Variants in ANXA4 observed in about 807,000 individuals in gnomAD.
The protein encoded by ANXA4 is 35-beta calcimedin.
Under a neutral mutation model 49.8 loss-of-function variants are expected in ANXA4, and 39 were observed. The ratio of observed to expected loss-of-function variants is 0.78; its 90% CI spans 0.61 to 1.02. The LOEUF is 1.02. Ranked by LOEUF, ANXA4 falls within the 50% of genes least tolerant of loss-of-function variation. The probability of loss-of-function intolerance (pLI) is 0.00; values close to 1 mark genes in which losing one functional copy is unlikely to be tolerated. For missense variants in ANXA4, 360 were observed against 410.1 expected, an observed-to-expected ratio of 0.88 and a Z score of 1.05; for synonymous variants, 134 against 152.5, an observed-to-expected ratio of 0.88 and a Z score of 0.89.
chr2:69,673,564 G>T (rs1464915980), intron 2 of ANXA4, among the ~76,000 whole-genome samples: 2 of 151,836 alleles, frequency 1.3e-5, no homozygotes, highest in African/African-American at 4.8e-5. Flanking sequence ...TAGATGACGG[G>T]TTGATGGGCA....
chr2:69,793,442 G>A (rs901634724), intron 3 of ANXA4, among the ~76,000 whole-genome samples: 1 of 152,004 alleles, frequency 6.6e-6, no homozygotes, highest in South Asian at 2.1e-4. Context: ...CCTTAAAAAT[G>A]TTTGATTTAA....
At chr2:69,690,519 A>C (rs909072507) in intron 2 of ANXA4, among the ~76,000 whole-genome samples, 10 of 152,132 alleles carry the variant, frequency 6.6e-5, no homozygotes, top group African/African-American at 2.2e-4. Flanking sequence ...GATTACAGGC[A>C]TGAGCCACTG....
chr2:69,774,326 AGCCCCCC>A (rs1559174599), intron 1 of ANXA4, among the ~76,000 whole-genome samples: 2 of 82,030 alleles, frequency 2.4e-5, no homozygotes, highest in Admixed American at 1.3e-4. Context: ...ATGTAAAAGG[AGCCCCCC>A]CCCCCCCTTT....
At position 69,816,098 on chromosome 2, in the gene ANXA4, C is replaced by G; in HGVS notation, c.535-3C>G. ...TTTAGACCTGTGCTTTGTTTGGCTT[C>G]AGGACCTGTATGAGGCTGGAGAGAA... On this transcript the variant is annotated splice_region_variant and splice_polypyrimidine_tract_variant and intron_variant, in intron 8 of 12. Transcript: ENST00000394295. The G allele has an allele frequency of 1.2e-6, 2 of 1,613,296 alleles. No individual in the cohort carries two copies. Among genetic ancestry groups the G allele is most frequent in the Non-Finnish European group, 1.7e-6 (2 of 1,179,274 alleles).
chr2:69,696,121 T>A (rs1389721205), intron 2 of ANXA4, among the ~76,000 whole-genome samples: 1 of 152,214 alleles, frequency 6.6e-6, no homozygotes, highest in African/African-American at 2.4e-5. Context: ...TATTGTGAGA[T>A]GCTGTTTGAT....
At chr2:69,819,458 T>C (rs1217450634) in intron 11 of ANXA4, 120 bp downstream of exon 11, 4 of 682,784 alleles carry the variant, frequency 5.9e-6, no homozygotes, top group Non-Finnish European at 7.6e-6. Flanking sequence ...ATTCATCAAA[T>C]ACTTCAGTGA....
At chr2:69,823,330 T>C (rs1213658407) in intron 12 of ANXA4, among the ~76,000 whole-genome samples, 1 of 150,498 alleles carries the variant, frequency 6.6e-6, no homozygotes, top group African/African-American at 2.4e-5. Flanking sequence ...ATAATAGTTG[T>C]CAAAAGAAAT....
intron 1 of ANXA4, among the ~76,000 whole-genome samples, chr2:69,767,221 G>A (rs535369693): frequency 1.6e-4 from 25 of 152,336 alleles, no homozygotes; most frequent in African/African-American, 5.5e-4. Flanking sequence ...AGCTAGAAGA[G>A]CTATTTTTGG....
chr2:69,724,120 C>T (rs1459329132), intron 3 of ANXA4, among the ~76,000 whole-genome samples: 1 of 151,296 alleles, frequency 6.6e-6, no homozygotes, highest in Non-Finnish European at 1.5e-5. Flanking sequence ...AACTCCATCT[C>T]AAAAAAAGAA....
intron 2 of ANXA4, among the ~76,000 whole-genome samples, chr2:69,671,459 A>G (rs1677184930): frequency 6.6e-6 from 1 of 152,222 alleles, no homozygotes; most frequent in African/African-American, 2.4e-5. Context: ...GCTCATGCCC[A>G]TAATCCCAGC....
Position 69,748,377 on chromosome 2 carries a change from C to T in ANXA4, c.-47+6202C>T, listed in dbSNP as rs368792012. On this transcript the variant is annotated intron_variant, in intron 1 of 12. Transcript: ENST00000394295. Reference sequence around the variant, plus strand: ...CTGGGCGACAGAGTGAGATTCCTTCCGTCTCAAAAAAAGAAAAAAAAAAAT... The same window carrying T: ...CTGGGCGACAGAGTGAGATTCCTTCTGTCTCAAAAAAAGAAAAAAAAAAAT... Among the ~76,000 whole-genome samples the T allele has an allele frequency of 1.9e-3, 279 of 148,400 alleles. No individual in the cohort carries two copies. The Middle Eastern group carries it at 0.024, about 13-fold the overall frequency.
chr2:69,657,046 G>A (rs984240751), intron 2 of ANXA4, among the ~76,000 whole-genome samples: 1 of 148,978 alleles, frequency 6.7e-6, no homozygotes, highest in Non-Finnish European at 1.5e-5. Context: ...CAAGGCTGGA[G>A]TACAGTGGCG....
At chr2:69,701,829 G>A (rs552564878) in intron 2 of ANXA4, among the ~76,000 whole-genome samples, 4 of 151,328 alleles carry the variant, frequency 2.6e-5, no homozygotes, top group African/African-American at 7.3e-5. Context: ...TTTTTTTATT[G>A]TTGCATCTGT....
chr2:69,778,775 CAAAAAA>C (rs58688910), intron 1 of ANXA4, among the ~76,000 whole-genome samples: 25 of 36,562 alleles, frequency 6.8e-4, no homozygotes, highest in African/African-American at 9.5e-4. Context: ...AACTCTGTCT[CAAAAAA>C]AAAAAAAAAA....
chr2:69,742,081 C>T (rs572907697), upstream of ANXA4: 4 of 152,266 alleles, frequency 2.6e-5, no homozygotes, highest in African/African-American at 9.6e-5. Context: ...CTCCACCCCA[C>T]AGTGGGGCGG....
chr2:69,756,501 T>A lies in ANXA4; in HGVS notation c.-47+14326T>A, dbSNP rs546610746. ...GTTTTTATTACTGATCACAGCCAGT[T>A]ACAGAGATTTCTTTGTTCCTTCTCT... On this transcript the variant is annotated intron_variant, in intron 1 of 12. Transcript: ENST00000394295. Among the ~76,000 whole-genome samples, 17 of 152,350 alleles carry A rather than the reference T, an allele frequency of 1.1e-4. 1 individual carries two copies. The South Asian group carries it at 3.5e-3, about 32-fold the overall frequency.
chr2:69,715,876 G>A (rs1476591652), intron 2 of ANXA4, among the ~76,000 whole-genome samples: 1 of 152,180 alleles, frequency 6.6e-6, no homozygotes, highest in Non-Finnish European at 1.5e-5. Context: ...GCTCCCTCAA[G>A]AGGAATACCC....
intron 2 of ANXA4, among the ~76,000 whole-genome samples, chr2:69,701,880 C>T (rs1228829499): frequency 6.6e-6 from 1 of 151,852 alleles, no homozygotes; most frequent in Non-Finnish European, 1.5e-5. Flanking sequence ...CTTTCTTTTT[C>T]TTAGTAATTT....
chr2:69,745,166 T>C (rs1011912593), intron 1 of ANXA4, among the ~76,000 whole-genome samples: 9 of 152,182 alleles, frequency 5.9e-5, no homozygotes, highest in African/African-American at 2.2e-4. Flanking sequence ...CAGCCCTAAA[T>C]GCCAGAGGGG....
Sources: allele counts gnomAD v4.1 joint callset (sites outside exome capture counted in the v4.1 genomes callset), GRCh38; gene constraint gnomAD v4.1.1; transcripts MANE v1.5; gene names NCBI Gene and HGNC (gene_info 2026-07-23, HGNC 2026-07-21).